ADGRD1: variants seen among roughly 807,000 people sequenced by gnomAD.
ADGRD1 encodes G-protein coupled receptor 133.
A neutral mutation model predicts 113.4 loss-of-function variants in ADGRD1; 77 were observed. That is an observed-to-expected ratio of 0.68 (90% confidence interval 0.57 to 0.82). The LOEUF (loss-of-function observed/expected upper bound fraction) is 0.82, where lower values mean the gene tolerates loss of function less well. ADGRD1 is among the 40% of genes least tolerant of loss of function. ADGRD1 has a pLI of 0.00. For missense variants in ADGRD1, 1,036 were observed against 1,139.1 expected, an observed-to-expected ratio of 0.91 and a Z score of 1.30; for synonymous variants, 474 against 475.0, an observed-to-expected ratio of 1.00 and a Z score of 0.03.
At chr12:131,002,017 G>A (rs527285528) in intron 9 of ADGRD1, among the ~76,000 whole-genome samples, 1 of 152,298 alleles carries the variant, frequency 6.6e-6, no homozygotes. Context: ...AGAAAAAAAG[G>A]CTCAAGAATG....
intron 3 of ADGRD1, chr12:130,970,362 C>T (rs533051465): frequency 6.6e-6 from 1 of 152,356 alleles, no homozygotes; most frequent in African/African-American, 2.4e-5. Flanking sequence ...CTCAATTACG[C>T]AACCACTAGT....
intron 21 of ADGRD1, 34 bp from the exon 22 acceptor site, chr12:131,136,003 G>C: frequency 6.2e-7 from 1 of 1,613,034 alleles, no homozygotes. Flanking sequence ...CTGCCCTCCT[G>C]CCACTCAGGG....
At chr12:131,063,889 T>G (rs1460068421) in intron 13 of ADGRD1, among the ~76,000 whole-genome samples, 1 of 152,242 alleles carries the variant, frequency 6.6e-6, no homozygotes, top group African/African-American at 2.4e-5. Context: ...ATTTATATCT[T>G]TATTGTGTTG....
intron 15 of ADGRD1, among the ~76,000 whole-genome samples, chr12:131,103,045 C>T (rs940847383): frequency 2.6e-5 from 4 of 152,260 alleles, no homozygotes; most frequent in Non-Finnish European, 5.9e-5. Context: ...TTCCGTCTCC[C>T]TGGCCCTGGC....
At position 130,984,910 on chromosome 12, in the gene ADGRD1, ACTCT is replaced by A. The variant is rs758265539; in HGVS notation, c.491-2177_491-2174del. Among the ~76,000 whole-genome samples, 2 of 98,268 alleles carry A rather than the reference ACTCT, an allele frequency of 2.0e-5. No individual in the cohort carries two copies. The highest frequency in any genetic ancestry group is 4.0e-5 in the African/African-American group (1 of 25,070). The allele number at this position is 98,268 out of a possible 152,430, so 64.5% of individuals were successfully genotyped here. On this transcript the variant is annotated intron_variant, in intron 5 of 24. Coordinates refer to ENST00000261654, the MANE Select transcript of ADGRD1 (RefSeq NM_198827.5). This position sits in a 1 kb window ranked among gnomAD's most constrained non-coding sequence, Gnocchi z 4.1. ...CTTTCTTCTCTTCTCTCTCTCTCTC[ACTCT>A]CTCTCTCCTCTCTTCTCTCTTTCTC...
At position 131,022,477 on chromosome 12, in the gene ADGRD1, G is replaced by T. The variant is rs1016859467; in HGVS notation, c.1473+8137G>T. Among the ~76,000 whole-genome samples the T allele has an allele frequency of 1.3e-5, 2 of 152,136 alleles. No homozygotes were observed. Among genetic ancestry groups the T allele is most frequent in the Non-Finnish European group, 2.9e-5 (2 of 68,030 alleles). ...CTGCATTTATTAATTGGAATTCTGT[G>T]ATAAGTACAAACCGTGATTTATTTA... On this transcript the variant is annotated intron_variant, in intron 13 of 24. Transcript: ENST00000261654. The surrounding 1 kb of genome is among the most constrained non-coding windows in gnomAD (Gnocchi z 4.6).
intron 15 of ADGRD1, among the ~76,000 whole-genome samples, chr12:131,087,416 AC>A (rs1159876236): frequency 2.6e-5 from 4 of 152,158 alleles, no homozygotes; most frequent in Admixed American, 2.0e-4. Flanking sequence ...GTGACAGGGG[AC>A]CGGCAGCCTC....
At chr12:131,087,957 C>T (rs189993858) in intron 15 of ADGRD1, among the ~76,000 whole-genome samples, 64 of 152,336 alleles carry the variant, frequency 4.2e-4, no homozygotes, top group Admixed American at 1.5e-3. Context: ...TGAGGAGCAC[C>T]GTCCTCTGCG....
chr12:130,982,644 C>A (rs538398099), intron 5 of ADGRD1, among the ~76,000 whole-genome samples: 1 of 152,046 alleles, frequency 6.6e-6, no homozygotes, highest in African/African-American at 2.4e-5. Context: ...GAGGAAGGGG[C>A]TAGGGGAGAG....
At chr12:130,991,216 G>A in intron 7 of ADGRD1, 138 bp downstream of exon 7, 2 of 647,530 alleles carry the variant, frequency 3.1e-6, no homozygotes, top group Non-Finnish European at 5.4e-6. Context: ...ATAACAAATG[G>A]AGGGGAAGCC....
intron 13 of ADGRD1, among the ~76,000 whole-genome samples, chr12:131,031,477 C>A (rs1445278073): frequency 6.6e-6 from 1 of 152,084 alleles, no homozygotes; most frequent in Admixed American, 6.5e-5. Flanking sequence ...CTCACCCATG[C>A]GGTTCTGTCG....
rs1051278528 is a variant in ADGRD1 at position 131,022,018 on chromosome 12, T to G, written c.1473+7678T>G. On this transcript the variant is annotated intron_variant, in intron 13 of 24. Transcript: ENST00000261654. This position sits in a 1 kb window ranked among gnomAD's most constrained non-coding sequence, Gnocchi z 4.6. ...CGCGCTCGGCCCTGATCTCTTCTTA[T>G]AAGGATACTGGTCACGTTGGATTAG... 2.0e-5 allele frequency among the ~76,000 whole-genome samples: 3 copies of G among 152,188 alleles called. No individual in the cohort carries two copies. The highest frequency in any genetic ancestry group is 4.4e-5 in the Non-Finnish European group (3 of 68,030).
intron 18 of ADGRD1, among the ~76,000 whole-genome samples, chr12:131,117,594 GGGT>G (rs1950498277): frequency 1.3e-5 from 2 of 152,160 alleles, no homozygotes; most frequent in Non-Finnish European, 2.9e-5. Flanking sequence ...GGGCCAGCCA[GGGT>G]CACATGCCCA....
chr12:131,120,677 T>G, intron 19 of ADGRD1, 170 bp from the exon 20 acceptor site: 1 of 700,806 alleles, frequency 1.4e-6, no homozygotes, highest in Non-Finnish European at 2.6e-6. Flanking sequence ...GAATGAGACG[T>G]GGGATCATCA....
At chr12:131,101,377 C>CTTTCTT (rs1950076237) in intron 15 of ADGRD1, among the ~76,000 whole-genome samples, 1 of 36,132 alleles carries the variant, frequency 2.8e-5, no homozygotes, top group African/African-American at 9.2e-5. Context: ...TTCTTTCTTT[C>CTTTCTT]TTTTTTTTTT....
chr12:131,064,097 A>T (rs1884540164), intron 13 of ADGRD1, among the ~76,000 whole-genome samples: 1 of 152,224 alleles, frequency 6.6e-6, no homozygotes, highest in Non-Finnish European at 1.5e-5. Flanking sequence ...CCTTGAAATT[A>T]TTGACATAAA....
intron 15 of ADGRD1, among the ~76,000 whole-genome samples, chr12:131,087,555 G>A (rs872270): frequency 6.6e-6 from 1 of 152,220 alleles, no homozygotes; most frequent in Non-Finnish European, 1.5e-5. Context: ...CCGAAGGGGC[G>A]GCTCTGTTGT....
At chr12:130,970,031 G>A (rs1871428635) in intron 3 of ADGRD1, 1 of 152,152 alleles carries the variant, frequency 6.6e-6, no homozygotes, top group Admixed American at 6.5e-5. Flanking sequence ...ATTAAAATCA[G>A]CATTTCGTCT....
Position 131,084,903 on chromosome 12 carries a change from G to T in ADGRD1, c.1671+240G>T, listed in dbSNP as rs900436570. ...GTGTAAATCGAGTCCAGTGTGGTGT[G>T]CTTCGCACAGCAACGCCCAGACTGC... is the stretch of plus-strand genomic sequence containing the variant. On this transcript the variant is annotated intron_variant, in intron 15 of 24. Coordinates refer to ENST00000261654, the MANE Select transcript of ADGRD1 (RefSeq NM_198827.5). The surrounding 1 kb of genome is among the most constrained non-coding windows in gnomAD (Gnocchi z 4.5). Among the ~76,000 whole-genome samples the T allele has an allele frequency of 6.6e-6, 1 of 152,198 alleles. No individual in the cohort carries two copies. Among genetic ancestry groups the T allele is most frequent in the Non-Finnish European group, 1.5e-5 (1 of 68,030 alleles).
Sources: allele counts gnomAD v4.1 joint callset (sites outside exome capture counted in the v4.1 genomes callset), GRCh38; gene constraint gnomAD v4.1.1; non-coding constraint Gnocchi (gnomAD v3.1); transcripts MANE v1.5; gene names NCBI Gene and HGNC (gene_info 2026-07-23, HGNC 2026-07-21).